STK3: variants seen among roughly 807,000 people sequenced by gnomAD.
The protein encoded by STK3 is serine/threonine-protein kinase 3.
Under a neutral mutation model 58.0 loss-of-function variants are expected in STK3, and 41 were observed. That is an observed-to-expected ratio of 0.71 (90% CI 0.55 to 0.92). The LOEUF (loss-of-function observed/expected upper bound fraction) is 0.92, where lower values mean the gene tolerates loss of function less well. Ranked by LOEUF, STK3 falls within the 40% of genes least tolerant of loss-of-function variation. STK3 has a pLI of 0.00. For missense variants in STK3, 479 were observed against 602.7 expected, an observed-to-expected ratio of 0.79 and a Z score of 2.15; for synonymous variants, 170 against 191.0, an observed-to-expected ratio of 0.89 and a Z score of 0.91.
intron 10 of STK3, among the ~76,000 whole-genome samples, chr8:98,470,176 GA>G (rs1326563595): frequency 6.6e-6 from 1 of 152,180 alleles, no homozygotes; most frequent in Non-Finnish European, 1.5e-5. Context: ...CACATGCAAA[GA>G]AATTACCTTC....
chr8:98,783,373 C>G (rs2131541265), intron 1 of STK3, among the ~76,000 whole-genome samples: 1 of 152,226 alleles, frequency 6.6e-6, no homozygotes, highest in African/African-American at 2.4e-5. Flanking sequence ...ATGCCTGTAT[C>G]AAAATATCTC....
intron 6 of STK3, among the ~76,000 whole-genome samples, chr8:98,657,233 G>T (rs186002571): frequency 6.6e-6 from 1 of 152,170 alleles, no homozygotes; most frequent in East Asian, 1.9e-4. Flanking sequence ...GCCAGGTACT[G>T]TGGTAAGTAC....
chr8:98,698,256 T>C (rs1825177307), intron 6 of STK3, among the ~76,000 whole-genome samples: 3 of 151,680 alleles, frequency 2.0e-5, no homozygotes, highest in South Asian at 4.2e-4. Flanking sequence ...CCTATGTGTG[T>C]CTCTGCACGT....
chr8:98,728,372 G>C (rs1827933980), intron 4 of STK3, among the ~76,000 whole-genome samples: 1 of 152,236 alleles, frequency 6.6e-6, no homozygotes, highest in African/African-American at 2.4e-5. Flanking sequence ...CGAGAGGGCA[G>C]AGAGAGGTTG....
rs1374219222 is a variant in STK3, at chr8:98,878,163, G to T, written c.110+5484C>A. Among the ~76,000 whole-genome samples the T allele has an allele frequency of 2.0e-5, 3 of 149,844 alleles. No individual in the cohort carries two copies. In the South Asian group the frequency reaches 6.3e-4, roughly 31 times the overall value. On this transcript the variant is annotated intron_variant, in intron 3 of 12. Transcript: ENST00000523601. Reference sequence around the variant, plus strand: ...TGCCTCCCAGGCTCAAGCAATTCTCGTGCCTCAGCCTCCTGAGTAACTGGG... The same window carrying T: ...TGCCTCCCAGGCTCAAGCAATTCTCTTGCCTCAGCCTCCTGAGTAACTGGG...
At chr8:98,409,393 G>A (rs573369889) in intron 3 of STK3, among the ~76,000 whole-genome samples, 20 of 152,294 alleles carry the variant, frequency 1.3e-4, no homozygotes, top group East Asian at 7.7e-4. Context: ...CGAGGAGCCC[G>A]TGAGGCACTG....
intron 6 of STK3, among the ~76,000 whole-genome samples, chr8:98,619,851 CTT>C (rs1256509222): frequency 2.6e-5 from 2 of 77,862 alleles, no homozygotes; most frequent in Admixed American, 1.5e-4. Flanking sequence ...AATAGGAACA[CTT>C]TTACACTGTT....
intron 10 of STK3, among the ~76,000 whole-genome samples, chr8:98,461,261 C>G (rs1172597654): frequency 6.6e-6 from 1 of 150,890 alleles, no homozygotes; most frequent in Admixed American, 6.6e-5. Context: ...TTTTTTTTTA[C>G]TGATGTTGCT....
At chr8:98,850,910 C>T (rs973045840) in intron 3 of STK3, among the ~76,000 whole-genome samples, 2 of 152,160 alleles carry the variant, frequency 1.3e-5, no homozygotes, top group Admixed American at 1.3e-4. Context: ...GAGATTACTG[C>T]AGCCACAATG....
At chr8:98,759,393 C>T (rs1247195783) in intron 3 of STK3, among the ~76,000 whole-genome samples, 3 of 152,154 alleles carry the variant, frequency 2.0e-5, no homozygotes, top group Admixed American at 1.3e-4. Flanking sequence ...AGAACACACA[C>T]GACATTTATC....
intron 8 of STK3, among the ~76,000 whole-genome samples, chr8:98,557,336 A>C (rs1226263356): frequency 1.3e-5 from 2 of 151,918 alleles, no homozygotes; most frequent in African/African-American, 4.8e-5. Flanking sequence ...AACTAAAAAC[A>C]CTCTTTCCTA....
downstream of STK3, chr8:98,883,459 G>T: frequency 3.7e-6 from 2 of 543,640 alleles, no homozygotes; most frequent in South Asian, 4.8e-5. Context: ...CACTCTCTTG[G>T]GCTAAAATAT....
At chr8:98,611,620 T>C (rs982247271) in intron 6 of STK3, among the ~76,000 whole-genome samples, 2 of 152,200 alleles carry the variant, frequency 1.3e-5, no homozygotes, top group African/African-American at 4.8e-5. Flanking sequence ...TAACTCCAAA[T>C]TTCTTTAAGA....
chr8:98,603,993 T>C (rs1816574309), intron 6 of STK3, among the ~76,000 whole-genome samples: 1 of 152,008 alleles, frequency 6.6e-6, no homozygotes, highest in Non-Finnish European at 1.5e-5. Context: ...CCAAATGTAA[T>C]CAGAAGGGTC....
At chr8:98,760,679 A>G (rs1830562332) in intron 3 of STK3, among the ~76,000 whole-genome samples, 4 of 151,686 alleles carry the variant, frequency 2.6e-5, no homozygotes, top group Admixed American at 2.6e-4. Context: ...AACGCCTTCA[A>G]TCCAATAAAA....
At chr8:98,656,041 T>C (rs1821474579) in intron 6 of STK3, among the ~76,000 whole-genome samples, 1 of 152,196 alleles carries the variant, frequency 6.6e-6, no homozygotes, top group Non-Finnish European at 1.5e-5. Flanking sequence ...CACACGTATG[T>C]TTATTGTGGC....
intron 9 of STK3, among the ~76,000 whole-genome samples, chr8:98,544,550 G>A (rs190340145): frequency 6.6e-6 from 1 of 151,748 alleles, no homozygotes. Context: ...TGAGAAGCAG[G>A]GATGGTAGAA....
chr8:98,407,763 C>CGT (rs1204615200), intron 3 of STK3, among the ~76,000 whole-genome samples: 5 of 149,844 alleles, frequency 3.3e-5, no homozygotes, highest in South Asian at 2.1e-4. Flanking sequence ...TGTGTGCGCG[C>CGT]GCGCGCGCAT....
chr8:98,663,642 G>T (rs950922246), intron 6 of STK3, among the ~76,000 whole-genome samples: 1 of 152,138 alleles, frequency 6.6e-6, no homozygotes, highest in African/African-American at 2.4e-5. Context: ...AAATGATAGA[G>T]TGGATTAAGA....
Sources: allele counts gnomAD v4.1 joint callset (sites outside exome capture counted in the v4.1 genomes callset), GRCh38; gene constraint gnomAD v4.1.1; transcripts MANE v1.5; gene names NCBI Gene and HGNC (gene_info 2026-07-23, HGNC 2026-07-21).